DNAJC1: variants seen among roughly 807,000 people sequenced by gnomAD.
DNAJC1 encodes the protein DnaJ heat shock protein family (Hsp40) member C1.
Under a neutral mutation model 76.6 loss-of-function variants are expected in DNAJC1, and 58 were observed. That is an observed-to-expected ratio of 0.76 (90% confidence interval 0.61 to 0.94). The LOEUF (loss-of-function observed/expected upper bound fraction) is 0.94. DNAJC1 is among the 40% of genes least tolerant of loss of function. DNAJC1 has a pLI of 0.00. For synonymous variants in DNAJC1, 258 were observed against 267.9 expected (o/e 0.96, Z 0.36); for missense variants, 689 against 677.3 (o/e 1.02, Z -0.19).
intron 1 of DNAJC1, among the ~76,000 whole-genome samples, chr10:21,973,238 T>C (rs551927626): frequency 4.8e-4 from 73 of 152,246 alleles, no homozygotes; most frequent in African/African-American, 1.6e-3. Flanking sequence ...GCAGCAGTCT[T>C]TCCTATGTGA....
chr10:21,788,309 A>G (rs538215682), intron 9 of DNAJC1, among the ~76,000 whole-genome samples: 114 of 152,290 alleles, frequency 7.5e-4, no homozygotes, highest in Non-Finnish European at 1.4e-3. Flanking sequence ...CTGGGCAGTC[A>G]CACCCCTTTA....
chr10:21,800,673 G>C (rs952425865), intron 9 of DNAJC1, among the ~76,000 whole-genome samples: 4 of 152,168 alleles, frequency 2.6e-5, no homozygotes, highest in African/African-American at 7.2e-5. Flanking sequence ...ACAGAAAGTA[G>C]ATTAATCCTA....
chr10:21,995,717 G>A (rs1180053498), intron 1 of DNAJC1, among the ~76,000 whole-genome samples: 3 of 152,182 alleles, frequency 2.0e-5, no homozygotes, highest in Non-Finnish European at 4.4e-5. Flanking sequence ...AATGTAGAAC[G>A]TGGCATGCCC....
intron 1 of DNAJC1, among the ~76,000 whole-genome samples, chr10:21,941,352 CA>C (rs1837408960): frequency 6.7e-6 from 1 of 148,494 alleles, no homozygotes; most frequent in Admixed American, 6.7e-5. Context: ...CAAATTAAAC[CA>C]GAGTAAAAAG....
intron 8 of DNAJC1, among the ~76,000 whole-genome samples, chr10:21,843,924 G>C (rs1329988416): frequency 6.6e-6 from 1 of 152,046 alleles, no homozygotes; most frequent in African/African-American, 2.4e-5. Flanking sequence ...CACCTGTCAA[G>C]GGCAGGGTGA....
intron 8 of DNAJC1, among the ~76,000 whole-genome samples, chr10:21,816,705 C>T (rs1177310760): frequency 6.6e-6 from 1 of 150,804 alleles, no homozygotes; most frequent in African/African-American, 2.4e-5. Flanking sequence ...CCCACCATGA[C>T]CAGCTAATTT....
intron 1 of DNAJC1, among the ~76,000 whole-genome samples, chr10:21,980,883 CT>C (rs1838144428): frequency 6.6e-6 from 1 of 151,984 alleles, no homozygotes; most frequent in Admixed American, 6.6e-5. Flanking sequence ...ATGTGTTCTT[CT>C]TTTTGGGCAA....
In DNAJC1 at chr10:21,858,467, T is replaced by C. The variant is rs533170258; in HGVS notation, c.978+23815A>G. On this transcript the variant is annotated intron_variant, in intron 8 of 11. Transcript: ENST00000376980. ...ACCTGGAGCAAGCAAATCAATCAAA[T>C]AGTAAAGAGGAAAGTGCAATAATAA... is the stretch of plus-strand genomic sequence containing the variant. Among the ~76,000 whole-genome samples, 9 of 152,300 alleles carry C rather than the reference T, an allele frequency of 5.9e-5. No individual in the cohort carries two copies. In the South Asian group the frequency reaches 1.9e-3, roughly 32 times the overall value.
intron 1 of DNAJC1, among the ~76,000 whole-genome samples, chr10:21,950,634 G>C (rs570703681): frequency 6.6e-6 from 1 of 152,318 alleles, no homozygotes; most frequent in East Asian, 1.9e-4. Flanking sequence ...CAGGCCAACA[G>C]CTAGGCCTCT....
intron 1 of DNAJC1, among the ~76,000 whole-genome samples, chr10:21,981,707 G>A (rs182016426): frequency 6.6e-6 from 1 of 152,242 alleles, no homozygotes; most frequent in East Asian, 1.9e-4. Context: ...GACGGTGCCA[G>A]GAAAACTGGA....
chr10:21,840,456 T>C (rs892040695), intron 8 of DNAJC1, among the ~76,000 whole-genome samples: 11 of 152,058 alleles, frequency 7.2e-5, no homozygotes, highest in Admixed American at 2.0e-4. Context: ...TATACACCAA[T>C]AACAGACAAA....
intron 3 of DNAJC1, among the ~76,000 whole-genome samples, chr10:21,924,759 C>T (rs768477999): frequency 6.6e-6 from 1 of 152,152 alleles, no homozygotes; most frequent in Non-Finnish European, 1.5e-5. Context: ...GCAAGTTCCT[C>T]ACTGTGTGAA....
chr10:21,891,709 C>T (rs1327710506), intron 7 of DNAJC1, among the ~76,000 whole-genome samples: 1 of 152,118 alleles, frequency 6.6e-6, no homozygotes, highest in Non-Finnish European at 1.5e-5. Flanking sequence ...AGTCAATATC[C>T]TGTGACAATA....
At chr10:21,876,258 G>A (rs1458336578) in intron 8 of DNAJC1, among the ~76,000 whole-genome samples, 2 of 151,858 alleles carry the variant, frequency 1.3e-5, no homozygotes, top group Non-Finnish European at 1.5e-5. Flanking sequence ...TCACAGGTGC[G>A]TGTCACCAGA....
chr10:21,862,098 A>G (rs1046095139), intron 8 of DNAJC1, among the ~76,000 whole-genome samples: 1 of 151,924 alleles, frequency 6.6e-6, no homozygotes, highest in Non-Finnish European at 1.5e-5. Flanking sequence ...TTGTATTTTT[A>G]GTAGAGACGG....
At chr10:21,890,890 A>G (rs1416321478) in intron 7 of DNAJC1, among the ~76,000 whole-genome samples, 1 of 152,148 alleles carries the variant, frequency 6.6e-6, no homozygotes, top group African/African-American at 2.4e-5. Flanking sequence ...ACAAGATAAA[A>G]GAGATATTTA....
intron 1 of DNAJC1, among the ~76,000 whole-genome samples, chr10:21,937,799 C>G (rs1440370325): frequency 6.6e-6 from 1 of 152,000 alleles, no homozygotes; most frequent in Non-Finnish European, 1.5e-5. Context: ...AATCAGAAAT[C>G]AATGACAAAA....
intron 6 of DNAJC1, among the ~76,000 whole-genome samples, chr10:21,906,049 G>A (rs1436769488): frequency 1.3e-5 from 2 of 152,228 alleles, no homozygotes; most frequent in East Asian, 3.9e-4. Context: ...GGGGGTCTGT[G>A]TCTCTTGGGG....
chr10:22,003,153 G>C (rs1838550730), intron 1 of DNAJC1, 60 bp downstream of exon 1: 1 of 1,407,814 alleles, frequency 7.1e-7, no homozygotes, highest in Middle Eastern at 2.2e-4. Flanking sequence ...CTGAGGAACC[G>C]GGTCGCCTGA....
Sources: gnomAD v4.1 joint callset for allele counts (sites outside exome capture counted in the v4.1 genomes callset) on GRCh38, gnomAD v4.1.1 for gene constraint, MANE v1.5 for transcripts, NCBI Gene and HGNC (gene_info 2026-07-23, HGNC 2026-07-21) for gene names.